The following ZNF704 variants were observed in gnomAD, a reference collection of about 807,000 sequenced individuals.
ZNF704 encodes the protein glucocorticoid induced gene 1.
In ZNF704, 10 loss-of-function variants were observed where a neutral mutation model predicts 44.7. The ratio of observed to expected loss-of-function variants is 0.22; its 90% confidence interval spans 0.14 to 0.38. The LOEUF (loss-of-function observed/expected upper bound fraction) is 0.38, where lower values mean the gene tolerates loss of function less well. Ranked by LOEUF, ZNF704 falls within the 10% of genes least tolerant of loss-of-function variation. ZNF704 has a pLI of 1.00. For missense variants in ZNF704, 390 were observed against 545.5 expected (o/e 0.71, Z 2.84); for synonymous variants, 211 against 207.6 (o/e 1.02, Z -0.14).
intron 4 of ZNF704, 61 bp downstream of exon 4, chr8:80,687,165 G>C: frequency 2.7e-6 from 4 of 1,476,588 alleles, no homozygotes; most frequent in Non-Finnish European, 3.7e-6. Context: ...CGGCCCTTCA[G>C]AGGGGACAGA....
At chr8:80,650,232 GA>G (rs1817894840) in intron 7 of ZNF704, among the ~76,000 whole-genome samples, 1 of 152,188 alleles carries the variant, frequency 6.6e-6, no homozygotes, top group African/African-American at 2.4e-5. Context: ...AGAAAAACTG[GA>G]AACTCTAAAA....
intron 7 of ZNF704, among the ~76,000 whole-genome samples, chr8:80,649,365 GCATCGC>G (rs1400162432): frequency 6.6e-6 from 1 of 152,168 alleles, no homozygotes; most frequent in Non-Finnish European, 1.5e-5. Context: ...GCAGGATGAG[GCATCGC>G]CTCACCCGGG....
chr8:80,699,185 T>A (rs1001762830), intron 2 of ZNF704, among the ~76,000 whole-genome samples: 6 of 152,210 alleles, frequency 3.9e-5, no homozygotes, highest in African/African-American at 1.4e-4. Flanking sequence ...GGAAAGGCTA[T>A]AATAATCATC....
chr8:80,694,894 G>C (rs1250081997), intron 2 of ZNF704, among the ~76,000 whole-genome samples: 1 of 152,112 alleles, frequency 6.6e-6, no homozygotes, highest in Non-Finnish European at 1.5e-5. Context: ...CAAATTACTT[G>C]TTTCAGAGGC....
intron 7 of ZNF704, among the ~76,000 whole-genome samples, chr8:80,651,573 C>A (rs1406274967): frequency 1.3e-5 from 2 of 152,110 alleles, no homozygotes; most frequent in African/African-American, 4.8e-5. Flanking sequence ...ACAAAGAAGG[C>A]CATTACATAA....
chr8:80,782,080 C>T (rs964401458), intron 2 of ZNF704, among the ~76,000 whole-genome samples: 17 of 152,166 alleles, frequency 1.1e-4, no homozygotes, highest in African/African-American at 4.1e-4. Flanking sequence ...GGGCAGTTGC[C>T]TTCCCCATCC....
chr8:80,692,109 C>G (rs1319335528), intron 3 of ZNF704, among the ~76,000 whole-genome samples: 1 of 152,106 alleles, frequency 6.6e-6, no homozygotes, highest in Non-Finnish European at 1.5e-5. Context: ...AGCATAAAGT[C>G]CAAACTCCTA....
chr8:80,823,032 CAG>C (rs897545574), intron 1 of ZNF704, among the ~76,000 whole-genome samples: 4 of 152,148 alleles, frequency 2.6e-5, no homozygotes, highest in African/African-American at 7.2e-5. Context: ...ATGCAGAAGA[CAG>C]GGGATTTCTG....
Position 80,628,711 on chromosome 8 carries a change from A to T in ZNF704, c.*12655T>A, listed in dbSNP as rs1395953211. The T allele has an allele frequency of 1.2e-4, 18 of 152,274 alleles. No individual in the cohort carries two copies. The highest frequency in any genetic ancestry group is 1.2e-3 in the Admixed American group (18 of 15,294). 9.4% of individuals were successfully genotyped at this position (152,274 alleles called of 1,614,324 possible). A position where few individuals can be genotyped will look rare whatever the true frequency, so the allele number is the denominator to read the frequency against. Reference sequence around the variant, plus strand: ...TGTTACAAGCATTACAGAACAGAAAAGTCCAAGGACCAGAAGACGATTACT... The same window carrying T: ...TGTTACAAGCATTACAGAACAGAAATGTCCAAGGACCAGAAGACGATTACT... On this transcript the variant is annotated 3_prime_UTR_variant, in exon 9 of 9. Coordinates refer to ENST00000327835, the MANE Select transcript of ZNF704 (RefSeq NM_001033723.3).
intron 2 of ZNF704, among the ~76,000 whole-genome samples, chr8:80,750,845 A>G (rs1249745833): frequency 6.6e-6 from 1 of 152,156 alleles, no homozygotes; most frequent in African/African-American, 2.4e-5. Context: ...TCTGACTAGC[A>G]TCATCTCAGA....
intron 2 of ZNF704, among the ~76,000 whole-genome samples, chr8:80,755,113 A>G (rs1807012615): frequency 6.6e-6 from 1 of 152,192 alleles, no homozygotes; most frequent in Non-Finnish European, 1.5e-5. Context: ...ATTTGCATGC[A>G]CTCAACTTCC....
At position 80,630,896 on chromosome 8, in the gene ZNF704, CATGT is replaced by C. The variant is rs1201463507; in HGVS notation, c.*10466_*10469del. 1 of 151,896 alleles carries C rather than the reference CATGT, an allele frequency of 6.6e-6. No individual in the cohort carries two copies. Among genetic ancestry groups the C allele is most frequent in the East Asian group, 1.9e-4 (1 of 5,188 alleles). 9.4% of individuals were successfully genotyped at this position (151,896 alleles called of 1,614,324 possible). A position where few individuals can be genotyped will look rare whatever the true frequency, so the allele number is the denominator to read the frequency against. The stretch of plus-strand genomic sequence containing the variant: ...ATTCAGGGATTTTTTTTAAAAAAAA[CATGT>C]ATGATCCACATTCCTGGGTTAGTTT... On this transcript the variant is annotated 3_prime_UTR_variant, in exon 9 of 9. Coordinates refer to ENST00000327835, the MANE Select transcript of ZNF704 (RefSeq NM_001033723.3).
intron 1 of ZNF704, among the ~76,000 whole-genome samples, chr8:80,831,970 T>C (rs1011370123): frequency 8.5e-5 from 13 of 152,226 alleles, no homozygotes; most frequent in African/African-American, 3.1e-4. Flanking sequence ...ATAGCTACCA[T>C]CAAATTCTTT....
chr8:80,717,407 G>A (rs79295773), intron 2 of ZNF704, among the ~76,000 whole-genome samples: 5,044 of 152,320 alleles, frequency 0.033, 298 homozygotes, highest in African/African-American at 0.11. Flanking sequence ...GGCAAACAGA[G>A]ACTCTGCAGA....
intron 2 of ZNF704, among the ~76,000 whole-genome samples, chr8:80,816,332 C>T (rs1001404455): frequency 1.3e-5 from 2 of 152,214 alleles, no homozygotes; most frequent in African/African-American, 4.8e-5. Flanking sequence ...TTCACACAAT[C>T]AGTATAGCTC....
In ZNF704 at chr8:80,639,694, C is replaced by T. The variant is rs1817714012; in HGVS notation, c.*1672G>A. On this transcript the variant is annotated 3_prime_UTR_variant, in exon 9 of 9. Transcript: ENST00000327835. Reference sequence around the variant, plus strand: ...TTGTGGATGTTGCACTGTAGAACCTCCTTATACTTTCTTTTGCTTGTATAT... The same window carrying T: ...TTGTGGATGTTGCACTGTAGAACCTTCTTATACTTTCTTTTGCTTGTATAT... The T allele has an allele frequency of 6.6e-6, 1 of 152,544 alleles. No homozygotes were observed. The highest frequency in any genetic ancestry group is 2.1e-4 in the South Asian group (1 of 4,816). 9.4% of individuals were successfully genotyped at this position (152,544 alleles called of 1,614,324 possible). A position where few individuals can be genotyped will look rare whatever the true frequency, so the allele number is the denominator to read the frequency against.
upstream of ZNF704, among the ~76,000 whole-genome samples, chr8:80,879,617 C>T (rs866339618): frequency 6.6e-6 from 1 of 152,144 alleles, no homozygotes; most frequent in Non-Finnish European, 1.5e-5. Context: ...CATGAGCCTT[C>T]CCTGCTTCGT....
chr8:80,780,250 G>C (rs1047344288), intron 2 of ZNF704, among the ~76,000 whole-genome samples: 8 of 152,220 alleles, frequency 5.3e-5, no homozygotes, highest in Admixed American at 1.3e-4. Context: ...TTACTGCAGA[G>C]AGCCCTAAAT....
intron 2 of ZNF704, among the ~76,000 whole-genome samples, chr8:80,797,850 T>C (rs1403013579): frequency 6.6e-6 from 1 of 152,208 alleles, no homozygotes; most frequent in Non-Finnish European, 1.5e-5. Flanking sequence ...GAACATGTTT[T>C]TTCACTCTTT....
Sources: gnomAD v4.1 joint callset for allele counts (sites outside exome capture counted in the v4.1 genomes callset) on GRCh38, gnomAD v4.1.1 for gene constraint, MANE v1.5 for transcripts, NCBI Gene and HGNC (gene_info 2026-07-23, HGNC 2026-07-21) for gene names.